SHTN1: variants seen among roughly 807,000 people sequenced by gnomAD.
The protein encoded by SHTN1 is shootin 1, also known as shootin-1.
A neutral mutation model predicts 83.1 loss-of-function variants in SHTN1; 42 were observed. The observed-to-expected ratio is 0.51, with a 90% CI of 0.39 to 0.65. The LOEUF is 0.65. Among genes scored for constraint, SHTN1 ranks in the 30% least tolerant of loss-of-function variants. The pLI is 0.00. For missense variants in SHTN1, 622 were observed against 737.8 expected (o/e 0.84, Z 1.82); for synonymous variants, 224 against 247.7 (o/e 0.90, Z 0.90).
At chr10:116,935,098 T>C (rs1313982543) in intron 9 of SHTN1, among the ~76,000 whole-genome samples, 1 of 152,350 alleles carries the variant, frequency 6.6e-6, no homozygotes, top group Admixed American at 6.5e-5. Context: ...TATACAATCA[T>C]GTCATCTGCA....
At chr10:116,901,465 T>A in intron 16 of SHTN1, 1 of 985,154 alleles carries the variant, frequency 1.0e-6, no homozygotes, top group Non-Finnish European at 1.2e-6. Context: ...CTTGAAAGAC[T>A]GATTGTCTCC....
At chr10:116,957,443 G>T (rs1055231850) in intron 4 of SHTN1, among the ~76,000 whole-genome samples, 7 of 151,024 alleles carry the variant, frequency 4.6e-5, no homozygotes, top group Admixed American at 2.6e-4. Flanking sequence ...TAGTAGAGAC[G>T]GGGTTTCACC....
chr10:117,116,357 T>C (rs1261550147), intron 1 of SHTN1, among the ~76,000 whole-genome samples: 3 of 151,974 alleles, frequency 2.0e-5, no homozygotes, highest in African/African-American at 7.3e-5. Context: ...CTACCAAGAC[T>C]GAACCATGAA....
At chr10:116,965,661 T>C (rs1589850615) in intron 3 of SHTN1, among the ~76,000 whole-genome samples, 1 of 152,254 alleles carries the variant, frequency 6.6e-6, no homozygotes, top group Non-Finnish European at 1.5e-5. Flanking sequence ...TATGAACTCT[T>C]AATACTGAAG....
chr10:117,051,012 G>A (rs967903474), intron 1 of SHTN1, among the ~76,000 whole-genome samples: 15 of 152,122 alleles, frequency 9.9e-5, no homozygotes, highest in Admixed American at 3.3e-4. Flanking sequence ...ATGTCTGATC[G>A]CACTCCTGCA....
intron 3 of SHTN1, among the ~76,000 whole-genome samples, chr10:116,962,897 T>C (rs939050103): frequency 3.3e-5 from 5 of 152,100 alleles, no homozygotes; most frequent in African/African-American, 9.7e-5. Flanking sequence ...TAGGTTCATA[T>C]GGGAAGAGTA....
At chr10:116,980,773 T>C (rs1850987022) in intron 1 of SHTN1, among the ~76,000 whole-genome samples, 1 of 152,176 alleles carries the variant, frequency 6.6e-6, no homozygotes, top group Non-Finnish European at 1.5e-5. Flanking sequence ...GCACATGCCT[T>C]GTTTTCTCCT....
chr10:117,029,957 T>C lies in SHTN1; in HGVS notation c.-123+18488A>G, dbSNP rs1397359584. ...TGGAGTGCAATGGTGTCAACTATCTTGGCTCACTGCAACCTCCGCCTCCCA... is the reference window on the plus strand; with the variant it reads ...TGGAGTGCAATGGTGTCAACTATCTCGGCTCACTGCAACCTCCGCCTCCCA... On this transcript the variant is annotated intron_variant, in intron 2 of 17. Transcript: ENST00000392901. Among the ~76,000 whole-genome samples, 4 of 150,484 alleles carry C rather than the reference T, an allele frequency of 2.7e-5. 1 individual carries two copies. The highest frequency in any genetic ancestry group is 2.0e-4 in the Admixed American group (3 of 14,958).
intron 7 of SHTN1, among the ~76,000 whole-genome samples, chr10:116,945,319 A>G (rs1166177941): frequency 6.6e-6 from 1 of 152,244 alleles, no homozygotes; most frequent in Non-Finnish European, 1.5e-5. Context: ...CTCATTGCTG[A>G]TAAAAGTGAA....
intron 2 of SHTN1, among the ~76,000 whole-genome samples, chr10:117,035,026 T>C (rs944358553): frequency 2.0e-5 from 3 of 152,146 alleles, no homozygotes; most frequent in African/African-American, 4.8e-5. Flanking sequence ...GCCAAAGCTA[T>C]CCTAAGCTAG....
chr10:116,924,746 A>ATTTTTTTT (rs201343735), intron 11 of SHTN1, among the ~76,000 whole-genome samples: 2 of 89,526 alleles, frequency 2.2e-5, no homozygotes, highest in African/African-American at 4.1e-5. Context: ...ATTTTCACCT[A>ATTTTTTTT]TTTTTTTTTT....
chr10:116,928,706 C>T (rs1848838483), intron 10 of SHTN1, among the ~76,000 whole-genome samples: 1 of 152,184 alleles, frequency 6.6e-6, no homozygotes, highest in African/African-American at 2.4e-5. Context: ...TATTTACCCT[C>T]AACACTTAAA....
At chr10:117,007,257 T>C (rs961444155), upstream of SHTN1, among the ~76,000 whole-genome samples, 1 of 151,942 alleles carries the variant, frequency 6.6e-6, no homozygotes, top group Non-Finnish European at 1.5e-5. Flanking sequence ...TCCTGACTCA[T>C]TCTCTCTCAC....
intron 2 of SHTN1, among the ~76,000 whole-genome samples, chr10:116,971,299 G>C (rs1212473329): frequency 5.3e-5 from 8 of 152,134 alleles, no homozygotes. Flanking sequence ...AAGGTTTCCC[G>C]TGGCAATCCC....
Position 117,045,201 on chromosome 10 carries a change from ATCT to A in SHTN1, c.-123+3241_-123+3243del, listed in dbSNP as rs553156822. Among the ~76,000 whole-genome samples, 141 of 152,334 alleles carry A rather than the reference ATCT, an allele frequency of 9.3e-4. 2 individuals are homozygous for A. In the South Asian group the frequency reaches 0.022, roughly 24 times the overall value. ...GAAATAAAAGTAACAAACTCTGGAA[ATCT>A]TCTCCTTAAAAGCAATGAGAACACT... On this transcript the variant is annotated intron_variant, in intron 2 of 17. Coordinates refer to the SHTN1 transcript ENST00000392901.
chr10:116,978,721 A>G (rs2133479953), intron 2 of SHTN1, among the ~76,000 whole-genome samples: 1 of 152,338 alleles, frequency 6.6e-6, no homozygotes, highest in African/African-American at 2.4e-5. Flanking sequence ...AACAAAACTG[A>G]CAGAACCCCT....
chr10:116,935,609 T>C (rs991332688), intron 9 of SHTN1, among the ~76,000 whole-genome samples: 11 of 152,186 alleles, frequency 7.2e-5, no homozygotes, highest in Admixed American at 3.9e-4. Context: ...TCATCAGGGG[T>C]ATTAGCCTGA....
chr10:117,053,020 A>AG (rs1852771510), intron 1 of SHTN1, among the ~76,000 whole-genome samples: 1 of 126,630 alleles, frequency 7.9e-6, no homozygotes, highest in Non-Finnish European at 1.6e-5. Context: ...ACTGTGTCTC[A>AG]AAAAAAAAAA....
At chr10:117,108,200 T>C (rs1853699703) in intron 1 of SHTN1, among the ~76,000 whole-genome samples, 2 of 152,154 alleles carry the variant, frequency 1.3e-5, no homozygotes, top group South Asian at 2.1e-4. Context: ...AGCCATCCCA[T>C]TACTGGGTAT....
Sources: gnomAD v4.1 joint callset for allele counts (sites outside exome capture counted in the v4.1 genomes callset) on GRCh38, gnomAD v4.1.1 for gene constraint, MANE v1.5 for transcripts, NCBI Gene and HGNC (gene_info 2026-07-23, HGNC 2026-07-21) for gene names.